Variants in TRPS1 observed in about 807,000 individuals in gnomAD.
TRPS1 encodes the protein zinc finger transcription factor Trps1.
A neutral mutation model predicts 101.2 loss-of-function variants in TRPS1; 6 were observed. That is an observed-to-expected ratio of 0.06 (90% CI 0.03 to 0.12). TRPS1 has a LOEUF of 0.12. Among genes scored for constraint, TRPS1 ranks in the 10% least tolerant of loss-of-function variants. The probability of loss-of-function intolerance (pLI) is 1.00; values close to 1 mark genes in which losing one functional copy is unlikely to be tolerated. For synonymous variants in TRPS1, 578 were observed against 589.8 expected, an observed-to-expected ratio of 0.98 and a Z score of 0.29; for missense variants, 1,363 against 1,567.0, an observed-to-expected ratio of 0.87 and a Z score of 2.20.
At chr8:115,442,523 C>T (rs909444666) in intron 5 of TRPS1, among the ~76,000 whole-genome samples, 1 of 150,746 alleles carries the variant, frequency 6.6e-6, no homozygotes, top group Non-Finnish European at 1.5e-5. Flanking sequence ...AGGTCCATAT[C>T]TGGGTAGCAA....
At chr8:115,548,601 A>G (rs912752398) in intron 5 of TRPS1, among the ~76,000 whole-genome samples, 2 of 152,142 alleles carry the variant, frequency 1.3e-5, no homozygotes, top group Non-Finnish European at 2.9e-5. Flanking sequence ...ATTCATTTGG[A>G]GGAAACCTGA....
chr8:115,631,587 C>T (rs1818641914), intron 1 of TRPS1, among the ~76,000 whole-genome samples: 1 of 151,976 alleles, frequency 6.6e-6, no homozygotes, highest in African/African-American at 2.4e-5. Flanking sequence ...TGCCCTTCCT[C>T]ACAGTGACAG....
At chr8:115,606,526 A>T (rs1380821308) in intron 3 of TRPS1, among the ~76,000 whole-genome samples, 1 of 152,170 alleles carries the variant, frequency 6.6e-6, no homozygotes, top group Non-Finnish European at 1.5e-5. Context: ...CCAATCACAT[A>T]GATTTCAGTC....
intron 5 of TRPS1, among the ~76,000 whole-genome samples, chr8:115,423,608 AAAAC>A (rs752578012): frequency 1.8e-4 from 28 of 152,300 alleles, no homozygotes; most frequent in African/African-American, 5.1e-4. Flanking sequence ...CTAAGTATTT[AAAAC>A]AAACAAACAA....
At chr8:115,469,678 G>T (rs918933685) in intron 5 of TRPS1, among the ~76,000 whole-genome samples, 1 of 151,870 alleles carries the variant, frequency 6.6e-6, no homozygotes, top group South Asian at 2.1e-4. Context: ...TCAGGCTTCC[G>T]CCACCAAACC....
chr8:115,529,917 C>A (rs1317717306), intron 5 of TRPS1, among the ~76,000 whole-genome samples: 1 of 152,010 alleles, frequency 6.6e-6, no homozygotes, highest in African/African-American at 2.4e-5. Context: ...TATAAAGGTG[C>A]TTTGTGTATA....
At chr8:115,527,360 G>A (rs922939155) in intron 5 of TRPS1, among the ~76,000 whole-genome samples, 2 of 152,020 alleles carry the variant, frequency 1.3e-5, no homozygotes, top group East Asian at 3.9e-4. Flanking sequence ...TATACAAGGT[G>A]AAATAGCTTA....
At chr8:115,429,454 G>A (rs1176563097) in intron 5 of TRPS1, among the ~76,000 whole-genome samples, 1 of 152,110 alleles carries the variant, frequency 6.6e-6, no homozygotes, top group African/African-American at 2.4e-5. Flanking sequence ...ACTCATACGA[G>A]CCTTACTCGC....
intron 5 of TRPS1, among the ~76,000 whole-genome samples, chr8:115,506,542 C>A (rs1004838398): frequency 3.9e-5 from 6 of 151,958 alleles, no homozygotes; most frequent in Admixed American, 2.0e-4. Flanking sequence ...ATATATAAAG[C>A]ATTTAGAGAG....
At chr8:115,550,148 A>T (rs1347213564) in intron 5 of TRPS1, among the ~76,000 whole-genome samples, 1 of 152,188 alleles carries the variant, frequency 6.6e-6, no homozygotes, top group Admixed American at 6.5e-5. Context: ...CCGGGGGTGG[A>T]GGTTGCAGTG....
chr8:115,414,484 T>C lies in TRPS1; in HGVS notation c.3424A>G (p.Ser1142Gly). The C allele has an allele frequency of 6.2e-7, 1 of 1,613,902 alleles. No individual in the cohort carries two copies. Among genetic ancestry groups the C allele is most frequent in the South Asian group, 1.1e-5 (1 of 91,082 alleles). The part of the protein sequence containing the change: ...LSVPGNPHYL[S>G]HVPGLPNPCQ... Reference sequence around the variant, plus strand: ...GGATTTGGTAGGCCAGGCACGTGACTCAAGTAGTGCGGATTCCCAGGAACG... The same window carrying C: ...GGATTTGGTAGGCCAGGCACGTGACCCAAGTAGTGCGGATTCCCAGGAACG... Residue 1142 changes from serine to glycine, a missense_variant, in exon 7 of 7, where the codon AGT becomes GGT. Around this residue, in one of 5 missense-constraint regions of TRPS1, gnomAD observed 307 missense variants for 392.4 expected, o/e 0.78. Transcript: ENST00000395715. The surrounding 1 kb of genome is among the most constrained non-coding windows in gnomAD (Gnocchi z 4.8).
At chr8:115,601,387 G>A (rs767130042) in intron 4 of TRPS1, among the ~76,000 whole-genome samples, 7 of 152,076 alleles carry the variant, frequency 4.6e-5, no homozygotes, top group Non-Finnish European at 8.8e-5. Flanking sequence ...AAACATCCAC[G>A]TGACTATGTT....
At chr8:115,425,328 C>T (rs1383722014) in intron 5 of TRPS1, among the ~76,000 whole-genome samples, 1 of 152,224 alleles carries the variant, frequency 6.6e-6, no homozygotes, top group Non-Finnish European at 1.5e-5. Flanking sequence ...TTCAGCCAAG[C>T]ACCCATCTTA....
chr8:115,548,443 T>C lies in TRPS1; in HGVS notation c.2700+38558A>G, dbSNP rs1004729202. ...ACCTCTGCCTCCCAGGTTCAAGCGA[T>C]TCTCCTGCCTCAGCCTCCTGAGTAG... On this transcript the variant is annotated intron_variant, in intron 5 of 6. Coordinates refer to ENST00000395715, the MANE Select transcript of TRPS1 (RefSeq NM_014112.5). Among the ~76,000 whole-genome samples, 4 of 152,060 alleles carry C rather than the reference T, an allele frequency of 2.6e-5. No homozygotes were observed. The East Asian group carries it at 7.8e-4, about 30-fold the overall frequency.
rs374178139 is a variant in TRPS1 at position 115,530,654 on chromosome 8, A to C, written c.2700+56347T>G. Among the ~76,000 whole-genome samples the C allele has an allele frequency of 4.3e-4, 66 of 152,328 alleles. 1 individual carries two copies. The highest frequency in any genetic ancestry group is 1.6e-3 in the African/African-American group (65 of 41,582). On this transcript the variant is annotated intron_variant, in intron 5 of 6. Coordinates refer to ENST00000395715, the MANE Select transcript of TRPS1 (RefSeq NM_014112.5). ...CCGTATGTTTATTGTGGCACTATTCACAACAGCAAAGACTTGGAACCAACC... is the reference window on the plus strand; with the variant it reads ...CCGTATGTTTATTGTGGCACTATTCCCAACAGCAAAGACTTGGAACCAACC...
intron 5 of TRPS1, among the ~76,000 whole-genome samples, chr8:115,467,546 G>A (rs1208963013): frequency 4.0e-5 from 6 of 151,820 alleles, no homozygotes; most frequent in African/African-American, 7.3e-5. Flanking sequence ...CCTATATTGC[G>A]ATATGAGTGT....
intron 5 of TRPS1, among the ~76,000 whole-genome samples, chr8:115,439,827 T>C (rs752905370): frequency 6.6e-6 from 1 of 152,206 alleles, no homozygotes; most frequent in Non-Finnish European, 1.5e-5. Context: ...TCCTCTCCTT[T>C]ACTGTATACA....
intron 5 of TRPS1, among the ~76,000 whole-genome samples, chr8:115,481,986 T>C (rs1052387065): frequency 3.3e-5 from 5 of 152,144 alleles, no homozygotes; most frequent in Non-Finnish European, 5.9e-5. Context: ...GAATAGGACA[T>C]GGCTTCCACC....
chr8:115,616,873 CAGTAACATAAACTTGTTGGTATAAAAGG>C (rs1237486766), intron 3 of TRPS1, among the ~76,000 whole-genome samples: 1 of 152,166 alleles, frequency 6.6e-6, no homozygotes, highest in African/African-American at 2.4e-5. Context: ...AATAGCATTT[CAGTAACATAAACTTGTTGGTATAAAAGG>C]AAATTTCAGA....
Sources: allele counts gnomAD v4.1 joint callset (sites outside exome capture counted in the v4.1 genomes callset), GRCh38; gene constraint gnomAD v4.1.1; regional missense constraint gnomAD v4.1.1; non-coding constraint Gnocchi (gnomAD v3.1); transcripts MANE v1.5; gene names NCBI Gene and HGNC (gene_info 2026-07-23, HGNC 2026-07-21).